The following DPYD variants were observed in gnomAD, a reference collection of about 807,000 sequenced individuals.
DPYD encodes dihydropyrimidine dehydrogenase.
A neutral mutation model predicts 116.2 loss-of-function variants in DPYD; 109 were observed. The ratio of observed to expected loss-of-function variants is 0.94; its 90% CI spans 0.80 to 1.10. The LOEUF (loss-of-function observed/expected upper bound fraction) is 1.10. Ranked by LOEUF, DPYD falls within the 50% of genes least tolerant of loss-of-function variation. The probability of loss-of-function intolerance (pLI) is 0.00; values close to 1 mark genes in which losing one functional copy is unlikely to be tolerated. For missense variants in DPYD, 1,302 were observed against 1,254.5 expected, an observed-to-expected ratio of 1.04 and a Z score of -0.57; for synonymous variants, 440 against 432.0, an observed-to-expected ratio of 1.02 and a Z score of -0.23.
At chr1:97,268,240 C>T (rs995311953) in intron 18 of DPYD, among the ~76,000 whole-genome samples, 1 of 152,090 alleles carries the variant, frequency 6.6e-6, no homozygotes, top group Non-Finnish European at 1.5e-5. Context: ...TCAGTACACT[C>T]AGCAGCTCTC....
At chr1:97,817,173 T>C (rs1201678241) in intron 3 of DPYD, among the ~76,000 whole-genome samples, 7 of 152,120 alleles carry the variant, frequency 4.6e-5, no homozygotes, top group South Asian at 2.1e-4. Flanking sequence ...ATCAGCACAA[T>C]TGAATAGTTG....
At chr1:97,722,993 AAAT>A (rs1457297129) in intron 4 of DPYD, among the ~76,000 whole-genome samples, 3 of 151,644 alleles carry the variant, frequency 2.0e-5, no homozygotes, top group Non-Finnish European at 3.0e-5. Flanking sequence ...AGACTTTTAA[AAAT>A]AACCTTGACG....
intron 2 of DPYD, among the ~76,000 whole-genome samples, chr1:97,872,296 AC>A (rs1671694747): frequency 6.6e-6 from 1 of 151,968 alleles, no homozygotes; most frequent in African/African-American, 2.4e-5. Context: ...TGAGTAGATA[AC>A]TATATTCCAT....
chr1:97,180,676 T>A (rs79997740), intron 20 of DPYD, among the ~76,000 whole-genome samples: 9,994 of 152,230 alleles, frequency 0.066, 446 homozygotes, highest in Middle Eastern at 0.11. Flanking sequence ...GTGTTGAATA[T>A]GAAAAGCATT....
At chr1:97,522,472 C>G (rs1648751591) in intron 12 of DPYD, among the ~76,000 whole-genome samples, 1 of 152,108 alleles carries the variant, frequency 6.6e-6, no homozygotes, top group Admixed American at 6.6e-5. Flanking sequence ...CCTGTAATCC[C>G]AGCACTTTGG....
chr1:97,079,260 C>T (rs548609590), intron 22 of DPYD, 114 bp from the exon 23 acceptor site: 67 of 1,081,556 alleles, frequency 6.2e-5, no homozygotes, highest in South Asian at 5.4e-4. Context: ...GAGACAACTA[C>T]GTCCAGCTCT....
chr1:97,727,978 A>G (rs1034504950), intron 4 of DPYD, among the ~76,000 whole-genome samples: 1 of 151,958 alleles, frequency 6.6e-6, no homozygotes, highest in African/African-American at 2.4e-5. Flanking sequence ...GTCTCCTTCT[A>G]GAAAATACAC....
At chr1:97,498,194 T>C (rs1679377079) in intron 13 of DPYD, among the ~76,000 whole-genome samples, 1 of 151,730 alleles carries the variant, frequency 6.6e-6, no homozygotes. Context: ...CTAATGGGTA[T>C]GGAGTTTCTT....
intron 8 of DPYD, among the ~76,000 whole-genome samples, chr1:97,653,268 C>G (rs1658697131): frequency 6.6e-6 from 1 of 151,120 alleles, no homozygotes; most frequent in Non-Finnish European, 1.5e-5. Context: ...TAAAAGTGGC[C>G]TTTCATAGTC....
intron 16 of DPYD, among the ~76,000 whole-genome samples, chr1:97,322,458 G>T (rs1337383722): frequency 6.6e-6 from 1 of 151,858 alleles, no homozygotes; most frequent in African/African-American, 2.4e-5. Context: ...TACTAAAGTG[G>T]GTGACTTTGG....
intron 19 of DPYD, among the ~76,000 whole-genome samples, chr1:97,225,556 G>GGTT: frequency 1.4e-5 from 2 of 138,534 alleles, no homozygotes; most frequent in African/African-American, 2.8e-5. Flanking sequence ...TTTGAAATCA[G>GGTT]GTTGTTTTTT....
intron 14 of DPYD, among the ~76,000 whole-genome samples, chr1:97,403,844 A>T (rs1158548245): frequency 1.3e-5 from 2 of 151,638 alleles, no homozygotes; most frequent in African/African-American, 4.8e-5. Flanking sequence ...TTTAGACTAA[A>T]TTTGCTTTTC....
rs542825310 is a variant in DPYD at position 97,468,803 on chromosome 1, C to T, written c.1741-18580G>A. Among the ~76,000 whole-genome samples, 75 of 152,142 alleles carry T rather than the reference C, an allele frequency of 4.9e-4. 1 individual carries two copies. Among genetic ancestry groups the T allele is most frequent in the African/African-American group, 1.7e-3 (71 of 41,486 alleles). Reference sequence around the variant, plus strand: ...GACTACAGAGGGTGAGCTGAAACACCGTTTTGATTTTCCTGCTAAGTTTTA... The same window carrying T: ...GACTACAGAGGGTGAGCTGAAACACTGTTTTGATTTTCCTGCTAAGTTTTA... On this transcript the variant is annotated intron_variant, in intron 13 of 22. Coordinates refer to ENST00000370192, the MANE Select transcript of DPYD (RefSeq NM_000110.4).
chr1:97,639,247 A>G (rs914375388), intron 8 of DPYD, among the ~76,000 whole-genome samples: 1 of 152,180 alleles, frequency 6.6e-6, no homozygotes, highest in Non-Finnish European at 1.5e-5. Context: ...TTAAAAATAC[A>G]TTATAGATGA....
At chr1:97,174,518 C>T (rs1393460821) in intron 20 of DPYD, among the ~76,000 whole-genome samples, 1 of 152,138 alleles carries the variant, frequency 6.6e-6, no homozygotes, top group South Asian at 2.1e-4. Flanking sequence ...TTTGTTTATG[C>T]CCCTAGCCAT....
intron 13 of DPYD, among the ~76,000 whole-genome samples, chr1:97,465,524 CT>C (rs952505120): frequency 2.6e-5 from 4 of 152,074 alleles, no homozygotes; most frequent in African/African-American, 9.7e-5. Flanking sequence ...TAAGTCTTTC[CT>C]GTGGTGTTCT....
At chr1:97,649,898 C>T (rs562698022) in intron 8 of DPYD, among the ~76,000 whole-genome samples, 15 of 152,210 alleles carry the variant, frequency 9.9e-5, no homozygotes, top group African/African-American at 3.4e-4. Flanking sequence ...CAATGTATTA[C>T]CTCCTGTTCT....
intron 20 of DPYD, among the ~76,000 whole-genome samples, chr1:97,147,303 C>A (rs368256572): frequency 1.3e-5 from 2 of 152,068 alleles, no homozygotes; most frequent in East Asian, 1.9e-4. Context: ...GAGCTGAGAT[C>A]GCGCCACTGA....
intron 20 of DPYD, among the ~76,000 whole-genome samples, chr1:97,176,924 C>T (rs535365952): frequency 7.4e-6 from 1 of 135,962 alleles, no homozygotes; most frequent in East Asian, 2.1e-4. Context: ...AAGATTAACT[C>T]TAAGAAGTTT....
Sources: allele counts gnomAD v4.1 joint callset (sites outside exome capture counted in the v4.1 genomes callset), GRCh38; gene constraint gnomAD v4.1.1; transcripts MANE v1.5; gene names NCBI Gene and HGNC (gene_info 2026-07-23, HGNC 2026-07-21).